Variants in PLD1 observed in about 807,000 individuals in gnomAD.
The protein encoded by PLD1 is choline phosphatase 1.
A neutral mutation model predicts 137.1 loss-of-function variants in PLD1; 112 were observed. The observed-to-expected ratio is 0.82, with a 90% CI of 0.70 to 0.96. The LOEUF (loss-of-function observed/expected upper bound fraction) is 0.96, where lower values mean the gene tolerates loss of function less well. Ranked by LOEUF, PLD1 falls within the 40% of genes least tolerant of loss-of-function variation. The pLI, the probability that PLD1 is intolerant of heterozygous loss-of-function variation, is 0.00. For synonymous variants in PLD1, 431 were observed against 454.7 expected (o/e 0.95, Z 0.66); for missense variants, 1,321 against 1,342.0 (o/e 0.98, Z 0.24).
chr3:171,732,442 G>A (rs1399217282), intron 6 of PLD1, among the ~76,000 whole-genome samples: 1 of 152,188 alleles, frequency 6.6e-6, no homozygotes, highest in African/African-American at 2.4e-5. Context: ...TCACCTGTGT[G>A]TAATGGGACA....
At position 171,612,249 on chromosome 3, in the gene PLD1, C is replaced by A; in HGVS notation, c.2882+30G>T. The A allele has an allele frequency of 1.9e-6, 3 of 1,607,704 alleles. No individual in the cohort carries two copies. The highest frequency in any genetic ancestry group is 2.6e-6 in the Non-Finnish European group (3 of 1,175,222). On this transcript the variant is annotated intron_variant, in intron 25 of 26. Transcript: ENST00000351298. The surrounding 1 kb of genome is among the most constrained non-coding windows in gnomAD (Gnocchi z 4.1). ...CCCAGCGACTGCTGCAGTGGAAATG[C>A]ATCAGAGAGACACACTTTGGCGGAC...
chr3:171,605,347 C>T lies in PLD1; in HGVS notation c.2952G>A (p.Lys984=). ...IQDPVSDKFF[K]EVWVSTAARN... ...GAGCTGCTGTTGAAACCCACACCTC[C>T]TTGAAGAATTTGTCACTCACTGGAT... Residue 984 remains lysine, a synonymous_variant, in exon 26 of 27, where the codon AAG becomes AAA. Coordinates refer to ENST00000351298, the MANE Select transcript of PLD1 (RefSeq NM_002662.5). 1 of 1,613,906 alleles carries T rather than the reference C, an allele frequency of 6.2e-7. No individual in the cohort carries two copies. Among genetic ancestry groups the T allele is most frequent in the Non-Finnish European group, 8.5e-7 (1 of 1,179,800 alleles).
intron 1 of PLD1, among the ~76,000 whole-genome samples, chr3:171,756,223 C>A (rs1317501504): frequency 6.6e-6 from 1 of 152,208 alleles, no homozygotes. Context: ...GGTCTTGATG[C>A]TGTGGTCCTA....
chr3:171,735,124 T>A (rs1719254312), intron 4 of PLD1, among the ~76,000 whole-genome samples, 154 bp from the exon 5 acceptor site: 1 of 152,182 alleles, frequency 6.6e-6, no homozygotes, highest in South Asian at 2.1e-4. Flanking sequence ...GTGAATTAAA[T>A]ACACTTTTTA....
intron 1 of PLD1, among the ~76,000 whole-genome samples, chr3:171,764,756 G>T (rs1247374247): frequency 6.7e-6 from 1 of 150,266 alleles, no homozygotes; most frequent in East Asian, 1.9e-4. Context: ...AAATTTTCAG[G>T]ATTCTCACAT....
At chr3:171,698,680 G>A (rs1474391402) in intron 12 of PLD1, among the ~76,000 whole-genome samples, 5 of 152,054 alleles carry the variant, frequency 3.3e-5, no homozygotes, top group Admixed American at 2.6e-4. Context: ...AAGGTTGGCC[G>A]GGAGCGGTGG....
chr3:171,669,354 C>CA (rs1712504884), intron 19 of PLD1, among the ~76,000 whole-genome samples: 1 of 150,776 alleles, frequency 6.6e-6, no homozygotes, highest in Non-Finnish European at 1.5e-5. Flanking sequence ...CTATCTAGAA[C>CA]AAGCTTGGTG....
chr3:171,622,403 T>A (rs1560152531), intron 23 of PLD1, among the ~76,000 whole-genome samples: 1 of 152,126 alleles, frequency 6.6e-6, no homozygotes, highest in Non-Finnish European at 1.5e-5. Flanking sequence ...TTAAGATTAG[T>A]ATACACTAAG....
In PLD1 at chr3:171,728,957, T is replaced by G. The variant is rs189514998; in HGVS notation, c.607-2881A>C. Among the ~76,000 whole-genome samples, 62 of 152,280 alleles carry G rather than the reference T, an allele frequency of 4.1e-4. 2 individuals are homozygous for G. The East Asian group carries it at 0.011, about 27-fold the overall frequency. On this transcript the variant is annotated intron_variant, in intron 6 of 26. Transcript: ENST00000351298. Reference sequence around the variant, plus strand: ...AAAAAAAAATCTGGCAATAAACGTTTTTCTAATACAGAGTTATCAAATTGA... The same window carrying G: ...AAAAAAAAATCTGGCAATAAACGTTGTTCTAATACAGAGTTATCAAATTGA...
At chr3:171,720,253 C>A (rs1186453024) in intron 8 of PLD1, among the ~76,000 whole-genome samples, 4 of 141,800 alleles carry the variant, frequency 2.8e-5, no homozygotes, top group African/African-American at 8.1e-5. Context: ...GAGATCATAC[C>A]ACTGCACTCC....
chr3:171,757,669 A>G (rs1014567258), intron 1 of PLD1, among the ~76,000 whole-genome samples: 4 of 152,218 alleles, frequency 2.6e-5, no homozygotes, highest in Non-Finnish European at 5.9e-5. Context: ...AATTGATTAT[A>G]CCTGCCTTTG....
chr3:171,602,776 G>A lies in PLD1; in HGVS notation c.*302C>T. The A allele has an allele frequency of 3.0e-6, 1 of 329,898 alleles. No individual in the cohort carries two copies. Among genetic ancestry groups the A allele is most frequent in the Non-Finnish European group, 5.6e-6 (1 of 178,342 alleles). 20.4% of individuals were successfully genotyped at this position (329,898 alleles called of 1,614,324 possible). A position where few individuals can be genotyped will look rare whatever the true frequency, so the allele number is the denominator to read the frequency against. On this transcript the variant is annotated 3_prime_UTR_variant, in exon 27 of 27. Coordinates refer to ENST00000351298, the MANE Select transcript of PLD1 (RefSeq NM_002662.5). The stretch of plus-strand genomic sequence containing the variant: ...AGATCACAGTTACTGGTAAATTCTT[G>A]TTACAAAGGAAATGGATTTTGGTAT...
At chr3:171,634,678 T>G (rs1167698934) in intron 23 of PLD1, among the ~76,000 whole-genome samples, 1 of 152,186 alleles carries the variant, frequency 6.6e-6, no homozygotes, top group African/African-American at 2.4e-5. Context: ...ATTTTGAAAT[T>G]ATATACATGT....
At chr3:171,714,588 T>C (rs1243525893) in intron 8 of PLD1, among the ~76,000 whole-genome samples, 1 of 152,202 alleles carries the variant, frequency 6.6e-6, no homozygotes, top group East Asian at 1.9e-4. Flanking sequence ...CATCTGAATA[T>C]AAACTAAGTA....
At chr3:171,671,548 C>T (rs1223673227) in intron 19 of PLD1, among the ~76,000 whole-genome samples, 1 of 152,066 alleles carries the variant, frequency 6.6e-6, no homozygotes, top group African/African-American at 2.4e-5. Flanking sequence ...TTCACTTGTC[C>T]CCTTGCTCTC....
chr3:171,685,270 C>G (rs937842164), intron 16 of PLD1, among the ~76,000 whole-genome samples: 1 of 152,174 alleles, frequency 6.6e-6, no homozygotes, highest in Non-Finnish European at 1.5e-5. Flanking sequence ...AATCATTACT[C>G]AAAGTCTAGC....
At chr3:171,793,008 A>G (rs918874229) in intron 1 of PLD1, 11 of 285,516 alleles carry the variant, frequency 3.9e-5, no homozygotes, top group Non-Finnish European at 5.5e-5. Context: ...CTTGCATTGA[A>G]GGTCCTACGG....
intron 19 of PLD1, among the ~76,000 whole-genome samples, chr3:171,673,174 T>G (rs1293217049): frequency 1.3e-5 from 2 of 152,236 alleles, no homozygotes; most frequent in Non-Finnish European, 2.9e-5. Flanking sequence ...CATAAAATAT[T>G]CATCAACTTA....
chr3:171,674,528 A>C lies in PLD1; in HGVS notation c.2201T>G (p.Val734Gly). The change falls in exon 19 of 27, where the codon GTG becomes GGG. Residue 734 changes from valine to glycine, a missense_variant. Coordinates refer to ENST00000351298, the MANE Select transcript of PLD1 (RefSeq NM_002662.5). ...TACGTTAGCATGGACAGACCCAGGCACTTGATATCTCAACTCATGGGCTGT... is the reference window on the plus strand; with the variant it reads ...TACGTTAGCATGGACAGACCCAGGCCCTTGATATCTCAACTCATGGGCTGT... Reference protein sequence around the residue: ...QTTAHELRYQVPGSVHANVQL... With the variant: ...QTTAHELRYQGPGSVHANVQL... 1 of 1,606,392 alleles carries C rather than the reference A, an allele frequency of 6.2e-7. No homozygotes were observed. The highest frequency in any genetic ancestry group is 1.3e-5 in the African/African-American group (1 of 74,890).
Sources: allele counts gnomAD v4.1 joint callset (sites outside exome capture counted in the v4.1 genomes callset), GRCh38; gene constraint gnomAD v4.1.1; non-coding constraint Gnocchi (gnomAD v3.1); transcripts MANE v1.5; gene names NCBI Gene and HGNC (gene_info 2026-07-23, HGNC 2026-07-21).